STIM1: variants seen among roughly 807,000 people sequenced by gnomAD.
STIM1 encodes stromal interaction molecule 1.
STIM1 carries 25 observed loss-of-function variants against 74.7 expected under a neutral mutation model. The ratio of observed to expected loss-of-function variants is 0.33; its 90% CI spans 0.24 to 0.47. STIM1 has a LOEUF of 0.47. STIM1 is among the 20% of genes least tolerant of loss of function. The probability of loss-of-function intolerance (pLI) is 1.00; values close to 1 mark genes in which losing one functional copy is unlikely to be tolerated. For synonymous variants in STIM1, 328 were observed against 348.8 expected (o/e 0.94, Z 0.66); for missense variants, 728 against 920.8 (o/e 0.79, Z 2.71).
chr11:3,979,198 A>G (rs1039603365), intron 2 of STIM1, among the ~76,000 whole-genome samples: 3 of 152,146 alleles, frequency 2.0e-5, no homozygotes, highest in African/African-American at 7.2e-5. Flanking sequence ...ATTAATAATA[A>G]TTATATTCCC....
chr11:3,986,378 G>T (rs117668671), intron 2 of STIM1, among the ~76,000 whole-genome samples: 49 of 152,284 alleles, frequency 3.2e-4, no homozygotes, highest in Non-Finnish European at 6.3e-4. Context: ...ATGTCCTTGG[G>T]AATCTGTGGT....
chr11:4,085,652 C>A (rs2094489561), intron 11 of STIM1, among the ~76,000 whole-genome samples: 1 of 152,214 alleles, frequency 6.6e-6, no homozygotes, highest in African/African-American at 2.4e-5. Flanking sequence ...ATAATGATAG[C>A]CACTGCCACT....
chr11:4,064,044 A>G (rs769199781), intron 5 of STIM1, among the ~76,000 whole-genome samples: 1 of 152,204 alleles, frequency 6.6e-6, no homozygotes, highest in Non-Finnish European at 1.5e-5. Context: ...CTTATCTGTA[A>G]AATGGGTTTG....
intron 2 of STIM1, among the ~76,000 whole-genome samples, chr11:3,979,779 G>A (rs948101233): frequency 1.3e-5 from 2 of 152,060 alleles, no homozygotes; most frequent in African/African-American, 4.8e-5. Context: ...CTACCGCTTC[G>A]GTCTGGCTCC....
intron 1 of STIM1, among the ~76,000 whole-genome samples, chr11:3,911,682 T>G (rs2092564562): frequency 6.6e-6 from 1 of 152,196 alleles, no homozygotes; most frequent in East Asian, 1.9e-4. Context: ...CCTGGCTTGC[T>G]TACTCTTTTC....
chr11:3,968,602 C>T (rs563594327), intron 2 of STIM1, among the ~76,000 whole-genome samples: 129 of 152,144 alleles, frequency 8.5e-4, no homozygotes, highest in Non-Finnish European at 1.7e-3. Context: ...GTTTATTAAG[C>T]GTCTATGTAC....
chr11:3,921,086 G>A (rs1262373245), intron 1 of STIM1, among the ~76,000 whole-genome samples: 1 of 152,122 alleles, frequency 6.6e-6, no homozygotes, highest in African/African-American at 2.4e-5. Flanking sequence ...GTGAGCCACT[G>A]CACCCGACCT....
At chr11:4,006,550 G>T (rs1361278196) in intron 2 of STIM1, among the ~76,000 whole-genome samples, 2 of 152,134 alleles carry the variant, frequency 1.3e-5, no homozygotes, top group Non-Finnish European at 2.9e-5. Context: ...AGGTAGCTGG[G>T]ATTACAGGCA....
intron 2 of STIM1, among the ~76,000 whole-genome samples, chr11:4,011,938 A>G (rs952278418): frequency 6.6e-5 from 10 of 152,234 alleles, no homozygotes; most frequent in African/African-American, 2.2e-4. Flanking sequence ...AGCTTTTTAC[A>G]TATGGCTAGC....
intron 3 of STIM1, among the ~76,000 whole-genome samples, chr11:4,040,420 ATT>A (rs930853592): frequency 9.9e-5 from 15 of 151,806 alleles, no homozygotes; most frequent in Non-Finnish European, 1.9e-4. Flanking sequence ...CATCTTTCTC[ATT>A]TGTTGATCTG....
intron 1 of STIM1, chr11:3,892,688 A>T: frequency 1.2e-6 from 2 of 1,612,724 alleles, no homozygotes; most frequent in South Asian, 2.2e-5. Flanking sequence ...ATGGTGTGTG[A>T]AGTCACCACC....
At chr11:3,903,846 C>A (rs192080034) in intron 1 of STIM1, among the ~76,000 whole-genome samples, 1 of 152,056 alleles carries the variant, frequency 6.6e-6, no homozygotes, top group East Asian at 1.9e-4. Context: ...ACTGAGACAC[C>A]CATAAACAAG....
chr11:4,074,350 T>C, intron 6 of STIM1, 152 bp from the exon 7 acceptor site: 1 of 908,792 alleles, frequency 1.1e-6, no homozygotes, highest in Non-Finnish European at 1.7e-6. Flanking sequence ...CTATGGGCCT[T>C]GAGCTAGCTC....
intron 6 of STIM1, among the ~76,000 whole-genome samples, chr11:4,072,979 C>T (rs901517677): frequency 1.1e-4 from 17 of 149,510 alleles, no homozygotes; most frequent in African/African-American, 3.4e-4. Context: ...AACATTTCCT[C>T]TTCTTACCTC....
intron 3 of STIM1, 69 bp from the exon 4 acceptor site, chr11:4,055,457 C>A: frequency 8.3e-7 from 1 of 1,203,824 alleles, no homozygotes; most frequent in South Asian, 1.3e-5. Context: ...ATATTAAGGT[C>A]AGCATGACAA....
At chr11:4,001,325 G>A (rs2093714275) in intron 2 of STIM1, among the ~76,000 whole-genome samples, 2 of 151,794 alleles carry the variant, frequency 1.3e-5, no homozygotes. Flanking sequence ...AATGTTCAGG[G>A]CAGCCAGAGA....
chr11:4,082,455 G>A, intron 8 of STIM1, 104 bp downstream of exon 8: 1 of 1,216,796 alleles, frequency 8.2e-7, no homozygotes, highest in Non-Finnish European at 1.2e-6. Context: ...CCCATTGGGT[G>A]AAGAGATATC....
At chr11:3,970,932 C>T (rs1158159090) in intron 2 of STIM1, among the ~76,000 whole-genome samples, 9 of 152,066 alleles carry the variant, frequency 5.9e-5, no homozygotes, top group Non-Finnish European at 1.3e-4. Flanking sequence ...TAATGAAAGC[C>T]AACAGCAGGT....
At chr11:3,957,891 A>G (rs1184926136) in intron 1 of STIM1, among the ~76,000 whole-genome samples, 1 of 151,584 alleles carries the variant, frequency 6.6e-6, no homozygotes, top group African/African-American at 2.4e-5. Flanking sequence ...TTTTTAGACG[A>G]AGTCTCACTC....
Sources: allele counts gnomAD v4.1 joint callset (sites outside exome capture counted in the v4.1 genomes callset), GRCh38; gene constraint gnomAD v4.1.1; transcripts MANE v1.5; gene names NCBI Gene and HGNC (gene_info 2026-07-23, HGNC 2026-07-21).